Variants in PRKG1 observed in about 807,000 individuals in gnomAD.
The protein encoded by PRKG1 is cGMP-dependent protein kinase 1.
In PRKG1, 35 loss-of-function variants were observed where a neutral mutation model predicts 88.1. That is an observed-to-expected ratio of 0.40 (90% CI 0.30 to 0.53). PRKG1 has a LOEUF of 0.53. Among genes scored for constraint, PRKG1 ranks in the 20% least tolerant of loss-of-function variants. The pLI, the probability that PRKG1 is intolerant of heterozygous loss-of-function variation, is 0.59. For synonymous variants in PRKG1, 303 were observed against 292.5 expected (o/e 1.04, Z -0.37); for missense variants, 540 against 839.8 (o/e 0.64, Z 4.41).
At chr10:51,364,809 T>C (rs1842556173) in intron 2 of PRKG1, among the ~76,000 whole-genome samples, 1 of 151,928 alleles carries the variant, frequency 6.6e-6, no homozygotes, top group African/African-American at 2.4e-5. Context: ...GATTAGGAGT[T>C]TAGTTCTCAG....
chr10:51,651,747 C>G (rs1247447728), intron 3 of PRKG1, among the ~76,000 whole-genome samples: 1 of 152,004 alleles, frequency 6.6e-6, no homozygotes, highest in South Asian at 2.1e-4. Context: ...CCATGCCCAG[C>G]TAATTTTTGT....
chr10:51,698,422 G>A (rs1166604812), intron 3 of PRKG1: 2 of 1,613,980 alleles, frequency 1.2e-6, no homozygotes, highest in Admixed American at 1.7e-5. Flanking sequence ...TCTCATGTGA[G>A]GAAGGGCCAC....
chr10:51,328,533 G>A (rs1244069421), intron 2 of PRKG1, among the ~76,000 whole-genome samples: 1 of 152,144 alleles, frequency 6.6e-6, no homozygotes, highest in Non-Finnish European at 1.5e-5. Flanking sequence ...TATATACATT[G>A]GCATTGATGG....
intron 2 of PRKG1, among the ~76,000 whole-genome samples, chr10:51,200,393 G>T (rs1273214175): frequency 6.6e-6 from 1 of 152,192 alleles, no homozygotes; most frequent in African/African-American, 2.4e-5. Context: ...TACAAAAGTA[G>T]ACAGGAGGCA....
intron 7 of PRKG1, among the ~76,000 whole-genome samples, chr10:52,126,966 G>A (rs1847945176): frequency 6.6e-6 from 1 of 152,138 alleles, no homozygotes; most frequent in African/African-American, 2.4e-5. Context: ...GAGTTGACAT[G>A]ACTAGATTTA....
intron 2 of PRKG1, among the ~76,000 whole-genome samples, chr10:51,167,560 A>G (rs1257346225): frequency 6.6e-6 from 1 of 152,128 alleles, no homozygotes; most frequent in Non-Finnish European, 1.5e-5. Context: ...GAAAAATTGG[A>G]TTGTAGAGTA....
At chr10:51,729,047 A>G (rs995741688) in intron 3 of PRKG1, among the ~76,000 whole-genome samples, 2 of 152,220 alleles carry the variant, frequency 1.3e-5, no homozygotes, top group Non-Finnish European at 2.9e-5. Flanking sequence ...CAGCAAAGAC[A>G]CATCTTGCTT....
chr10:52,149,141 G>C (rs12763954), intron 8 of PRKG1, among the ~76,000 whole-genome samples: 1 of 151,702 alleles, frequency 6.6e-6, no homozygotes, highest in Non-Finnish European at 1.5e-5. Flanking sequence ...ACTTGTTTTA[G>C]AAAAAACATG....
intron 9 of PRKG1, among the ~76,000 whole-genome samples, chr10:52,226,474 T>C (rs926439657): frequency 6.6e-5 from 10 of 152,192 alleles, no homozygotes; most frequent in African/African-American, 1.2e-4. Flanking sequence ...GTTTTTATTA[T>C]AAAACATGCA....
intron 3 of PRKG1, among the ~76,000 whole-genome samples, chr10:51,614,519 T>G (rs910349608): frequency 9.3e-5 from 14 of 151,176 alleles, no homozygotes; most frequent in African/African-American, 3.4e-4. Context: ...GAATTTAATC[T>G]ATTTATATTC....
At chr10:51,725,515 G>T (rs558572196) in intron 3 of PRKG1, among the ~76,000 whole-genome samples, 14 of 152,048 alleles carry the variant, frequency 9.2e-5, no homozygotes, top group African/African-American at 3.4e-4. Context: ...ATGCTTAATG[G>T]ATTTCTGCAT....
intron 7 of PRKG1, among the ~76,000 whole-genome samples, chr10:52,117,779 C>A (rs1458879309): frequency 2.0e-5 from 3 of 151,840 alleles, no homozygotes; most frequent in African/African-American, 7.3e-5. Context: ...CTAATGCATG[C>A]AGAAAAATAC....
At chr10:51,040,427 T>G (rs1843406422) in intron 1 of PRKG1, among the ~76,000 whole-genome samples, 1 of 149,552 alleles carries the variant, frequency 6.7e-6, no homozygotes, top group African/African-American at 2.4e-5. Context: ...CAAGCAATTA[T>G]TCTGCCTCAG....
At chr10:51,077,212 G>A (rs1318453942) in intron 1 of PRKG1, among the ~76,000 whole-genome samples, 1 of 152,188 alleles carries the variant, frequency 6.6e-6, no homozygotes, top group African/African-American at 2.4e-5. Flanking sequence ...GCCTTTCAAT[G>A]TATTTCACTA....
intron 3 of PRKG1, among the ~76,000 whole-genome samples, chr10:51,751,019 T>C (rs1389407752): frequency 6.6e-6 from 1 of 152,188 alleles, no homozygotes; most frequent in Non-Finnish European, 1.5e-5. Flanking sequence ...CTCTGTCCCA[T>C]AATGGACAAT....
intron 3 of PRKG1, among the ~76,000 whole-genome samples, chr10:51,759,676 G>A (rs555538711): frequency 1.3e-5 from 2 of 152,282 alleles, no homozygotes; most frequent in South Asian, 4.1e-4. Flanking sequence ...CAAGGTTATA[G>A]AGCTGAGAGC....
intron 9 of PRKG1, among the ~76,000 whole-genome samples, chr10:52,240,561 A>G (rs1243556815): frequency 6.6e-6 from 1 of 152,174 alleles, no homozygotes; most frequent in Non-Finnish European, 1.5e-5. Flanking sequence ...TTGATACACC[A>G]TTCAGTTTTT....
At chr10:52,100,524 G>A (rs933536282) in intron 7 of PRKG1, among the ~76,000 whole-genome samples, 1 of 152,194 alleles carries the variant, frequency 6.6e-6, no homozygotes, top group Non-Finnish European at 1.5e-5. Context: ...TAGATTTACT[G>A]TTGATCCTAA....
rs533161432 is a variant in PRKG1, at chr10:51,777,287, CA to C, written c.593-27297del. ...TCTATTACAAAGAAGAAGCATTTGA[CA>C]TTCAGATTGGTTATAAAAAGTAACA... On this transcript the variant is annotated intron_variant, in intron 3 of 17. Coordinates refer to ENST00000373980, the MANE Select transcript of PRKG1 (RefSeq NM_006258.4). 9.9e-5 allele frequency among the ~76,000 whole-genome samples: 15 copies of C among 152,148 alleles called. No individual in the cohort carries two copies. In the South Asian group the frequency reaches 3.1e-3, roughly 32 times the overall value.
Sources: gnomAD v4.1 joint callset for allele counts (sites outside exome capture counted in the v4.1 genomes callset) on GRCh38, gnomAD v4.1.1 for gene constraint, MANE v1.5 for transcripts, NCBI Gene and HGNC (gene_info 2026-07-23, HGNC 2026-07-21) for gene names.